The following SLC15A5 variants were observed in gnomAD, a reference collection of about 807,000 sequenced individuals.
The protein encoded by SLC15A5 is solute carrier family 15 member 5, also known as Peptide/histidine transporter ENSP00000340402.
In SLC15A5, 58 loss-of-function variants were observed where a neutral mutation model predicts 56.1. The ratio of observed to expected loss-of-function variants is 1.03; its 90% CI spans 0.84 to 1.29. The LOEUF is 1.29. Among genes scored for constraint, SLC15A5 ranks in the 50% most tolerant of loss-of-function variants. SLC15A5 has a pLI of 0.00. For missense variants in SLC15A5, 681 were observed against 672.1 expected (o/e 1.01, Z -0.15); for synonymous variants, 264 against 250.5 (o/e 1.05, Z -0.51).
In SLC15A5 at chr12:16,235,972, T is replaced by A. The variant is rs1565666380; in HGVS notation, c.1162+3709A>T. On this transcript the variant is annotated intron_variant, in intron 5 of 8. Transcript: ENST00000344941. This position sits in a 1 kb window ranked among gnomAD's most constrained non-coding sequence, Gnocchi z 4.1. Reference sequence around the variant, plus strand: ...AGCTGGAACTTGAATTTTCATGTTTTTATTTTAAAGAAAAAAGGTATTGCA... The same window carrying A: ...AGCTGGAACTTGAATTTTCATGTTTATATTTTAAAGAAAAAAGGTATTGCA... Among the ~76,000 whole-genome samples the A allele has an allele frequency of 3.3e-5, 5 of 152,298 alleles. No individual in the cohort carries two copies. The South Asian group carries it at 1.0e-3, about 32-fold the overall frequency.
At position 16,272,649 on chromosome 12, in the gene SLC15A5, T is replaced by C; in HGVS notation, c.496A>G (p.Ile166Val). Residue 166 changes from isoleucine to valine, a missense_variant, in exon 2 of 9, where the codon ATT (isoleucine) becomes GTT (valine). By Grantham distance (29) the Ile-to-Val change is conservative (BLOSUM62 3). Coordinates refer to ENST00000344941, the MANE Select transcript of SLC15A5 (RefSeq NM_001170798.1). ...CAGACGATGGCTCTTACGCCTCCAATGCCAAGGCAAATGGTCAGCAGTGCT... is the reference window on the plus strand; with the variant it reads ...CAGACGATGGCTCTTACGCCTCCAACGCCAAGGCAAATGGTCAGCAGTGCT... ...YVALLTICLG[I>V]GGVRAIVCPL... 6.5e-7 allele frequency: 1 copy of C among 1,537,070 alleles called. No individual in the cohort carries two copies. The highest frequency in any genetic ancestry group is 8.7e-7 in the Non-Finnish European group (1 of 1,146,724).
intron 5 of SLC15A5, among the ~76,000 whole-genome samples, chr12:16,234,388 A>T (rs1630843): frequency 0.48 from 73,172 of 151,954 alleles, 17,884 homozygotes; most frequent in Middle Eastern, 0.54. Context: ...GTATTTAAGG[A>T]TCTATGTTTG....
At chr12:16,255,007 C>T (rs1176717505) in intron 3 of SLC15A5, among the ~76,000 whole-genome samples, 3 of 152,048 alleles carry the variant, frequency 2.0e-5, no homozygotes, top group Non-Finnish European at 2.9e-5. Flanking sequence ...TTTCCCAACA[C>T]AAAGAAATGA....
intron 7 of SLC15A5, among the ~76,000 whole-genome samples, chr12:16,214,970 C>T (rs536032815): frequency 6.8e-4 from 103 of 151,722 alleles, no homozygotes; most frequent in African/African-American, 2.5e-3. Context: ...TTTGGGAGGC[C>T]GAGGCGGGCG....
intron 3 of SLC15A5, among the ~76,000 whole-genome samples, chr12:16,248,992 T>C (rs952555562): frequency 2.6e-5 from 4 of 152,096 alleles, no homozygotes; most frequent in African/African-American, 9.7e-5. Context: ...TAAAAAACTT[T>C]TAGAAAGCAG....
intron 6 of SLC15A5, among the ~76,000 whole-genome samples, chr12:16,217,721 A>T (rs1864144174): frequency 6.6e-6 from 1 of 152,110 alleles, no homozygotes; most frequent in Non-Finnish European, 1.5e-5. Context: ...CAAATTGAGT[A>T]GTTCCTACTT....
intron 2 of SLC15A5, among the ~76,000 whole-genome samples, chr12:16,260,095 T>G (rs61916967): frequency 0.18 from 26,771 of 152,156 alleles, 2,633 homozygotes; most frequent in Non-Finnish European, 0.22. Flanking sequence ...GGGGAGGCAG[T>G]GTTTTTAATA....
chr12:16,263,625 C>T (rs1864664177), intron 2 of SLC15A5, among the ~76,000 whole-genome samples: 1 of 152,142 alleles, frequency 6.6e-6, no homozygotes, highest in East Asian at 1.9e-4. Flanking sequence ...CATGGCAACC[C>T]CTGCCATCAC....
At chr12:16,272,849 A>T (rs1864775142) in intron 1 of SLC15A5, 66 bp from the exon 2 acceptor site, 2 of 1,379,246 alleles carry the variant, frequency 1.5e-6, no homozygotes, top group African/African-American at 2.9e-5. Flanking sequence ...ATCACATTTT[A>T]AACAGGGTTT....
intron 5 of SLC15A5, among the ~76,000 whole-genome samples, chr12:16,228,872 A>G (rs1864268718): frequency 6.6e-6 from 1 of 152,166 alleles, no homozygotes; most frequent in South Asian, 2.1e-4. Context: ...CTTTCCATCA[A>G]CAGTAGGCTA....
intron 6 of SLC15A5, among the ~76,000 whole-genome samples, chr12:16,221,738 A>C (rs902030837): frequency 1.3e-5 from 2 of 152,194 alleles, no homozygotes; most frequent in African/African-American, 4.8e-5. Context: ...CAGGGAGAAA[A>C]GTTCAGAGGC....
At position 16,216,945 on chromosome 12, in the gene SLC15A5, A is replaced by G; in HGVS notation, c.1431T>C (p.Phe477=). Residue 477 remains phenylalanine (F), a synonymous_variant, in exon 7 of 9, where the codon TTT becomes TTC. Coordinates refer to ENST00000344941, the MANE Select transcript of SLC15A5 (RefSeq NM_001170798.1). ...CCAGCAGTGCCCCTGTGAAACAGCC[A>G]AATCCATTGAACAGTGTCAGAAAAT... The part of the protein sequence containing the change: ...SMNFLTLFNG[F]GCFTGALLVK... 6.5e-7 allele frequency: 1 copy of G among 1,536,908 alleles called. No homozygotes were observed.
Position 16,196,380 on chromosome 12 carries a change from TTG to T in SLC15A5, c.1484-1929_1484-1928del, listed in dbSNP as rs1161528220. 6.6e-6 allele frequency among the ~76,000 whole-genome samples: 1 copy of T among 151,860 alleles called. No homozygotes were observed. The highest frequency in any genetic ancestry group is 1.5e-5 in the Non-Finnish European group (1 of 67,916). Reference sequence around the variant, plus strand: ...CTTTTTGATGTGTATATGTGTGCTTTTGTGTGTGTGCATGTGTGTGTGTGTGC... The same window carrying T: ...CTTTTTGATGTGTATATGTGTGCTTTTGTGTGTGCATGTGTGTGTGTGTGC... On this transcript the variant is annotated intron_variant, in intron 7 of 8. Transcript: ENST00000344941. The surrounding 1 kb of genome is among the most constrained non-coding windows in gnomAD (Gnocchi z 4.0).
intron 3 of SLC15A5, among the ~76,000 whole-genome samples, chr12:16,245,179 G>A (rs993759680): frequency 1.3e-5 from 2 of 152,068 alleles, no homozygotes; most frequent in Non-Finnish European, 2.9e-5. Flanking sequence ...CAAAGAACTA[G>A]TACTATTTTT....
rs548942098 is a variant in SLC15A5, at chr12:16,188,979, C to T, written c.*689G>A. 1.3e-5 allele frequency: 2 copies of T among 151,958 alleles called. No individual in the cohort carries two copies. Among genetic ancestry groups the T allele is most frequent in the South Asian group, 2.1e-4 (1 of 4,796 alleles). The allele number at this position is 151,958 out of a possible 1,614,324, so 9.4% of individuals were successfully genotyped here. On this transcript the variant is annotated 3_prime_UTR_variant, in exon 9 of 9. Coordinates refer to ENST00000344941, the MANE Select transcript of SLC15A5 (RefSeq NM_001170798.1). ...ATTTGGTTTGGTCACTTACCCTCCT[C>T]TCAGCCCCCTCATTTTATCTTCCCT...
At chr12:16,268,503 A>G (rs1435159493) in intron 2 of SLC15A5, among the ~76,000 whole-genome samples, 2 of 152,206 alleles carry the variant, frequency 1.3e-5, no homozygotes, top group African/African-American at 4.8e-5. Context: ...GAGTATTAAT[A>G]AGATTATTTC....
At chr12:16,228,487 C>T (rs1339512570) in intron 5 of SLC15A5, among the ~76,000 whole-genome samples, 1 of 152,180 alleles carries the variant, frequency 6.6e-6, no homozygotes, top group Non-Finnish European at 1.5e-5. Flanking sequence ...TCTGTGGTCC[C>T]CTCTCTTCCC....
intron 4 of SLC15A5, among the ~76,000 whole-genome samples, chr12:16,242,154 T>C (rs1443577136): frequency 6.6e-6 from 1 of 152,194 alleles, no homozygotes; most frequent in African/African-American, 2.4e-5. Flanking sequence ...CTACTAAATT[T>C]AAAATATGTA....
chr12:16,226,793 C>G (rs1213186240), intron 5 of SLC15A5, among the ~76,000 whole-genome samples: 1 of 152,176 alleles, frequency 6.6e-6, no homozygotes, highest in Non-Finnish European at 1.5e-5. Context: ...GAGTCTGTAT[C>G]TACTCTAACT....
Sources: allele counts gnomAD v4.1 joint callset (sites outside exome capture counted in the v4.1 genomes callset), GRCh38; gene constraint gnomAD v4.1.1; non-coding constraint Gnocchi (gnomAD v3.1); transcripts MANE v1.5; gene names NCBI Gene and HGNC (gene_info 2026-07-23, HGNC 2026-07-21).